The following SRD5A3 variants were observed in gnomAD, a reference collection of about 807,000 sequenced individuals.
The protein encoded by SRD5A3 is steroid 5 alpha-reductase 3, also known as polyprenal reductase.
In SRD5A3, 24 loss-of-function variants were observed where a neutral mutation model predicts 34.3. That is an observed-to-expected ratio of 0.70 (90% CI 0.51 to 0.99). The LOEUF (loss-of-function observed/expected upper bound fraction) is 0.99. SRD5A3 is among the 50% of genes least tolerant of loss of function. SRD5A3 has a pLI of 0.00. For synonymous variants in SRD5A3, 161 were observed against 167.3 expected (o/e 0.96, Z 0.29); for missense variants, 350 against 388.2 (o/e 0.90, Z 0.83).
intron 4 of SRD5A3, among the ~76,000 whole-genome samples, chr4:55,368,617 G>A (rs374025248): frequency 1.7e-4 from 26 of 151,714 alleles, no homozygotes; most frequent in East Asian, 9.9e-4. Flanking sequence ...GTACAGACAA[G>A]GTTTTGCCAT....
Position 55,369,981 on chromosome 4 carries a change from A to G in SRD5A3, c.847A>G (p.Asn283Asp). 1 of 1,614,150 alleles carries G rather than the reference A, an allele frequency of 6.2e-7. No individual in the cohort carries two copies. The highest frequency in any genetic ancestry group is 1.1e-5 in the South Asian group (1 of 91,074). Residue 283 changes from asparagine (N) to aspartate (D), a missense_variant, in exon 5 of 5, where the codon AAT becomes GAT. Transcript: ENST00000264228. The part of the protein sequence containing the change: ...HNLTWWLVVT[N>D]VFFNQALSAF... ...CTTAACTTGGTGGCTAGTGGTGACA[A>G]ATGTCTTCTTTAATCAGGCCCTGTC...
At chr4:55,350,102 G>T (rs1442937180) in intron 1 of SRD5A3, among the ~76,000 whole-genome samples, 1 of 152,148 alleles carries the variant, frequency 6.6e-6, no homozygotes, top group East Asian at 1.9e-4. Context: ...GGGTGCAGTG[G>T]CTCACACCTG....
Position 55,370,394 on chromosome 4 carries a change from G to C in SRD5A3, c.*303G>C. 2.8e-6 allele frequency: 1 copy of C among 357,580 alleles called. No individual in the cohort carries two copies. The highest frequency in any genetic ancestry group is 5.2e-6 in the Non-Finnish European group (1 of 191,776). 22.2% of individuals were successfully genotyped at this position (357,580 alleles called of 1,614,324 possible). A position where few individuals can be genotyped will look rare whatever the true frequency, so the allele number is the denominator to read the frequency against. ...GAGACTTCTCCAAGCTGCTTCACAA[G>C]CAAACTAACCGAAAAACCGAAAATA... On this transcript the variant is annotated 3_prime_UTR_variant, in exon 5 of 5. Coordinates refer to ENST00000264228, the MANE Select transcript of SRD5A3 (RefSeq NM_024592.5).
intron 1 of SRD5A3, among the ~76,000 whole-genome samples, chr4:55,355,866 A>G (rs968602121): frequency 1.3e-5 from 2 of 152,014 alleles, no homozygotes; most frequent in African/African-American, 4.8e-5. Flanking sequence ...TGAACTAAAT[A>G]ATCTTAACTT....
intron 1 of SRD5A3, among the ~76,000 whole-genome samples, chr4:55,356,962 C>T (rs1186800423): frequency 6.6e-6 from 1 of 152,192 alleles, no homozygotes; most frequent in East Asian, 1.9e-4. Flanking sequence ...TGCCAATGTA[C>T]AGATGTCTTT....
In SRD5A3 at chr4:55,353,544, T is replaced by C. The variant is rs1419672195; in HGVS notation, c.222-5802T>C. Among the ~76,000 whole-genome samples the C allele has an allele frequency of 3.3e-5, 5 of 152,322 alleles. No homozygotes were observed. The South Asian group carries it at 1.0e-3, about 32-fold the overall frequency. On this transcript the variant is annotated intron_variant, in intron 1 of 4. Coordinates refer to ENST00000264228, the MANE Select transcript of SRD5A3 (RefSeq NM_024592.5). ...AGCGCCAAGTCACTGGGGGTCCCCT[T>C]CTACCCTGTGGAGGCTGTATTCTTT...
At chr4:55,356,546 G>A (rs942752290) in intron 1 of SRD5A3, among the ~76,000 whole-genome samples, 12 of 151,922 alleles carry the variant, frequency 7.9e-5, no homozygotes, top group African/African-American at 9.7e-5. Context: ...GTGCTGTGGC[G>A]GCATGATCAC....
intron 1 of SRD5A3, 49 bp downstream of exon 1, chr4:55,346,606 C>T: frequency 6.8e-7 from 1 of 1,474,852 alleles, no homozygotes; most frequent in African/African-American, 1.5e-5. Context: ...GCTGAGAGTT[C>T]GGGGCGCCCC....
chr4:55,355,331 G>A (rs928526193), intron 1 of SRD5A3, among the ~76,000 whole-genome samples: 4 of 152,004 alleles, frequency 2.6e-5, no homozygotes, highest in African/African-American at 9.7e-5. Flanking sequence ...GGTGGCGGGC[G>A]CCTATAGTTC....
Position 55,372,389 on chromosome 4 carries a change from C to T in SRD5A3, c.*2298C>T, listed in dbSNP as rs534982450. On this transcript the variant is annotated 3_prime_UTR_variant, in exon 5 of 5. Transcript: ENST00000264228. ...CCCCTGTTTCCTGCTGTCTCTCTCCCACTCATCCCTGTTTCTTACTCATCC... is the reference window on the plus strand; with the variant it reads ...CCCCTGTTTCCTGCTGTCTCTCTCCTACTCATCCCTGTTTCTTACTCATCC... 4 of 152,284 alleles carry T rather than the reference C, an allele frequency of 2.6e-5. No individual in the cohort carries two copies. The highest frequency in any genetic ancestry group is 2.6e-4 in the Admixed American group (4 of 15,292). 9.4% of individuals were successfully genotyped at this position (152,284 alleles called of 1,614,324 possible). A position where few individuals can be genotyped will look rare whatever the true frequency, so the allele number is the denominator to read the frequency against.
chr4:55,362,621 AT>A (rs955448994), intron 2 of SRD5A3, among the ~76,000 whole-genome samples: 15 of 141,074 alleles, frequency 1.1e-4, no homozygotes, highest in Admixed American at 6.5e-4. Flanking sequence ...TGCCCAGCTA[AT>A]TTTTTTTTTA....
intron 1 of SRD5A3, among the ~76,000 whole-genome samples, chr4:55,358,667 A>G (rs1320425716): frequency 3.9e-5 from 6 of 152,096 alleles, no homozygotes; most frequent in Non-Finnish European, 8.8e-5. Context: ...GCTAATTTCA[A>G]TTGCATTGGT....
intron 1 of SRD5A3, among the ~76,000 whole-genome samples, chr4:55,349,510 G>C (rs1387188545): frequency 1.3e-5 from 2 of 150,558 alleles, no homozygotes; most frequent in African/African-American, 2.4e-5. Context: ...TGGAATGTTT[G>C]TTTCCATGAC....
rs551615608 is a variant in SRD5A3, at chr4:55,358,990, A to T, written c.222-356A>T. On this transcript the variant is annotated intron_variant, in intron 1 of 4. Coordinates refer to ENST00000264228, the MANE Select transcript of SRD5A3 (RefSeq NM_024592.5). ...TCACAGATTTAGCTTGTTTTAGCACAGTCTAGGTTCTCTTTGCAAGGGCCT... is the reference window on the plus strand; with the variant it reads ...TCACAGATTTAGCTTGTTTTAGCACTGTCTAGGTTCTCTTTGCAAGGGCCT... 4 of 281,270 alleles carry T rather than the reference A, an allele frequency of 1.4e-5. No homozygotes were observed. The East Asian group carries it at 3.5e-4, about 25-fold the overall frequency. The allele number at this position is 281,270 out of a possible 1,614,324, so 17.4% of individuals were successfully genotyped here.
chr4:55,354,283 A>C (rs1719340191), intron 1 of SRD5A3, among the ~76,000 whole-genome samples: 2 of 152,126 alleles, frequency 1.3e-5, no homozygotes, highest in Non-Finnish European at 1.5e-5. Context: ...TATTTAGTAG[A>C]GATGGGGTTT....
rs1719584158 is a variant in SRD5A3 at position 55,359,232 on chromosome 4, A to G, written c.222-114A>G. On this transcript the variant is annotated intron_variant, in intron 1 of 4. Transcript: ENST00000264228. ...TCAGATTCTATTAAAAAGCAAAGGTATACTTTGGGAATGGAGGGGTGGGGA... is the reference window on the plus strand; with the variant it reads ...TCAGATTCTATTAAAAAGCAAAGGTGTACTTTGGGAATGGAGGGGTGGGGA... The G allele has an allele frequency of 1.7e-5, 24 of 1,388,300 alleles. No individual in the cohort carries two copies. In the South Asian group the frequency reaches 2.7e-4, roughly 15 times the overall value. The allele number at this position is 1,388,300 out of a possible 1,614,324, so 86.0% of individuals were successfully genotyped here.
rs764783481 is a variant in SRD5A3, at chr4:55,370,033, A to G, written c.899A>G (p.Lys300Arg). Residue 300 changes from lysine to arginine, a missense_variant, in exon 5 of 5, where the codon AAA (lysine) becomes AGA (arginine). Transcript: ENST00000264228. ...GCCTTTCTCAGCCACCAATTCTACA[A>G]AAGCAAATTTGTCTCTTACCCGAAG... ...LSAFLSHQFY[K>R]SKFVSYPKHR... The G allele has an allele frequency of 8.7e-6, 14 of 1,614,136 alleles. No homozygotes were observed. In the South Asian group the frequency reaches 1.3e-4, roughly 15 times the overall value.
intron 1 of SRD5A3, among the ~76,000 whole-genome samples, chr4:55,356,356 A>G (rs1227400566): frequency 6.6e-6 from 1 of 152,104 alleles, no homozygotes; most frequent in Non-Finnish European, 1.5e-5. Flanking sequence ...AATACACGTA[A>G]CTTAAATTTT....
At position 55,371,240 on chromosome 4, in the gene SRD5A3, G is replaced by A. The variant is rs1413873003; in HGVS notation, c.*1149G>A. 6.6e-6 allele frequency: 1 copy of A among 152,188 alleles called. No individual in the cohort carries two copies. The highest frequency in any genetic ancestry group is 1.9e-4 in the East Asian group (1 of 5,188). The allele number at this position is 152,188 out of a possible 1,614,324, so 9.4% of individuals were successfully genotyped here. A position where few individuals can be genotyped will look rare whatever the true frequency, so the allele number is the denominator to read the frequency against. Reference sequence around the variant, plus strand: ...AGTTATTCAAATTGGATTAATGTCTGTGTGAGTTTATTTGAACTAGCAGAA... The same window carrying A: ...AGTTATTCAAATTGGATTAATGTCTATGTGAGTTTATTTGAACTAGCAGAA... On this transcript the variant is annotated 3_prime_UTR_variant, in exon 5 of 5. Coordinates refer to ENST00000264228, the MANE Select transcript of SRD5A3 (RefSeq NM_024592.5).
Sources: gnomAD v4.1 joint callset for allele counts (sites outside exome capture counted in the v4.1 genomes callset) on GRCh38, gnomAD v4.1.1 for gene constraint, MANE v1.5 for transcripts, NCBI Gene and HGNC (gene_info 2026-07-23, HGNC 2026-07-21) for gene names.